The following DNAH17 variants were observed in gnomAD, a reference collection of about 807,000 sequenced individuals.
DNAH17 encodes axonemal beta dynein heavy chain 17.
DNAH17 carries 376 observed loss-of-function variants against 485.6 expected under a neutral mutation model. That is an observed-to-expected ratio of 0.77 (90% CI 0.71 to 0.84). The LOEUF is 0.84. Among genes scored for constraint, DNAH17 ranks in the 40% least tolerant of loss-of-function variants. DNAH17 has a pLI of 0.00. For synonymous variants in DNAH17, 3,031 were observed against 2,405.9 expected (o/e 1.26, Z -7.60); for missense variants, 6,370 against 5,839.3 (o/e 1.09, Z -2.96).
chr17:78,448,813 TG>T (rs2087424555), intron 69 of DNAH17, among the ~76,000 whole-genome samples: 1 of 152,188 alleles, frequency 6.6e-6, no homozygotes, highest in African/African-American at 2.4e-5. Flanking sequence ...CCTTCCACCA[TG>T]GGATGACACA....
intron 21 of DNAH17, 35 bp downstream of exon 21, chr17:78,530,308 C>A (rs758837710): frequency 6.4e-7 from 1 of 1,573,546 alleles, no homozygotes; most frequent in South Asian, 1.1e-5. Flanking sequence ...TCTGCACATT[C>A]CTTGGGCTCC....
chr17:78,467,570 GCT>G (rs777134622), intron 55 of DNAH17, among the ~76,000 whole-genome samples: 2 of 152,146 alleles, frequency 1.3e-5, no homozygotes, highest in Non-Finnish European at 2.9e-5. Flanking sequence ...GGAGGACCCT[GCT>G]CTGTTTGAGT....
At chr17:78,505,204 C>T in intron 31 of DNAH17, 89 bp downstream of exon 31, 1 of 1,545,376 alleles carries the variant, frequency 6.5e-7, no homozygotes, top group Non-Finnish European at 8.8e-7. Flanking sequence ...GGTGCTGGTT[C>T]TCCGGACATC....
At chr17:78,570,148 CAAACTGCTGGGGAACAT>C in intron 7 of DNAH17, 82 bp downstream of exon 7, 1 of 1,384,932 alleles carries the variant, frequency 7.2e-7, no homozygotes, top group African/African-American at 1.4e-5. Context: ...GGCCTGCTTT[CAAACTGCTGGGGAACAT>C]GGGCAGCAGG....
At chr17:78,505,205 T>C in intron 31 of DNAH17, 88 bp downstream of exon 31, 2 of 1,550,068 alleles carry the variant, frequency 1.3e-6, no homozygotes, top group Non-Finnish European at 1.8e-6. Flanking sequence ...GTGCTGGTTC[T>C]CCGGACATCG....
At chr17:78,478,200 TCAC>T (rs1337759091) in intron 51 of DNAH17, among the ~76,000 whole-genome samples, 44 of 139,934 alleles carry the variant, frequency 3.1e-4, no homozygotes, top group African/African-American at 1.0e-3. Flanking sequence ...CACCATCATA[TCAC>T]CACCACCACC....
chr17:78,550,841 A>ATT (rs1047158308), intron 16 of DNAH17, among the ~76,000 whole-genome samples: 4 of 152,212 alleles, frequency 2.6e-5, no homozygotes, highest in African/African-American at 9.6e-5. Flanking sequence ...AAAGAAAGAT[A>ATT]TTTTGGACAA....
At chr17:78,455,868 T>G in intron 62 of DNAH17, 32 bp from the exon 63 acceptor site, 1 of 1,538,518 alleles carries the variant, frequency 6.5e-7, no homozygotes, top group Non-Finnish European at 8.8e-7. Flanking sequence ...TAAAACATAT[T>G]TGCACAAGTG....
chr17:78,550,128 GGGA>G (rs1227371438), intron 16 of DNAH17, among the ~76,000 whole-genome samples: 2 of 152,256 alleles, frequency 1.3e-5, no homozygotes, highest in Non-Finnish European at 2.9e-5. Context: ...GGGAGGCGTG[GGGA>G]GGAGGAGGAG....
chr17:78,458,403 G>A (rs898282382), intron 62 of DNAH17, 162 bp downstream of exon 62: 4 of 635,704 alleles, frequency 6.3e-6, no homozygotes, highest in Non-Finnish European at 1.1e-5. Flanking sequence ...GACTATGCAA[G>A]AGGCCAAGTT....
In DNAH17 at chr17:78,539,803, G is replaced by A. The variant is rs1363249725; in HGVS notation, c.2610C>T (p.Val870=). The change falls in exon 18 of 81, where the codon GTC becomes GTT. Residue 870 remains valine, a synonymous_variant. Coordinates refer to ENST00000389840, the MANE Select transcript of DNAH17 (RefSeq NM_173628.4). ...GAATGAACTGGTCAAATTCATCTAA[G>A]ACCATGTCGTCAATGTAGATGACAT... ...KDYVIYIDDM[V]LDEFDQFIRK... The A allele has an allele frequency of 3.7e-6, 6 of 1,611,912 alleles. No individual in the cohort carries two copies. The African/African-American group carries it at 6.7e-5, about 18-fold the overall frequency.
chr17:78,566,527 G>A (rs562527883), intron 11 of DNAH17, 87 bp downstream of exon 11: 1 of 988,290 alleles, frequency 1.0e-6, no homozygotes, highest in East Asian at 2.6e-5. Context: ...TGGAGAGGAT[G>A]AAATGGTCTC....
intron 2 of DNAH17, among the ~76,000 whole-genome samples, chr17:78,573,170 C>T (rs1326962361): frequency 1.3e-5 from 2 of 152,178 alleles, no homozygotes; most frequent in Admixed American, 6.5e-5. Context: ...CAAGCTCTTG[C>T]ACCCATAGCA....
intron 55 of DNAH17, 128 bp downstream of exon 55, chr17:78,468,489 C>G: frequency 7.8e-7 from 1 of 1,289,828 alleles, no homozygotes; most frequent in Non-Finnish European, 1.0e-6. Flanking sequence ...CCCTCACACT[C>G]TCCTAACAGG....
Position 78,500,031 on chromosome 17 carries a change from A to C in DNAH17, c.5640+274T>G, listed in dbSNP as rs1401508796. On this transcript the variant is annotated intron_variant, in intron 36 of 80. Coordinates refer to ENST00000389840, the MANE Select transcript of DNAH17 (RefSeq NM_173628.4). Reference sequence around the variant, plus strand: ...CTGTGCGGAGTCCCCAGTTCGGGGCAATCTTAACAACTGAAATTGAGAGAG... The same window carrying C: ...CTGTGCGGAGTCCCCAGTTCGGGGCCATCTTAACAACTGAAATTGAGAGAG... The C allele has an allele frequency of 2.2e-5, 9 of 402,076 alleles. No individual in the cohort carries two copies. The East Asian group carries it at 4.1e-4, about 18-fold the overall frequency. 24.9% of individuals were successfully genotyped at this position (402,076 alleles called of 1,614,324 possible). A position where few individuals can be genotyped will look rare whatever the true frequency, so the allele number is the denominator to read the frequency against.
chr17:78,438,216 G>A (rs1028633212), intron 73 of DNAH17, among the ~76,000 whole-genome samples: 1 of 151,506 alleles, frequency 6.6e-6, no homozygotes, highest in African/African-American at 2.4e-5. Context: ...ACCGGGGCCA[G>A]GCTTAGCCCT....
At position 78,569,164 on chromosome 17, in the gene DNAH17, A is replaced by G; in HGVS notation, c.1284+2T>C. 6.3e-7 allele frequency: 1 copy of G among 1,595,446 alleles called. No individual in the cohort carries two copies. Among genetic ancestry groups the G allele is most frequent in the South Asian group, 1.1e-5 (1 of 87,728 alleles). ...TCAAGATGCACCGAGTTCTGTTTTTACCTCAATGGTCTGGATGCGCTGGAA... is the reference window on the plus strand; with the variant it reads ...TCAAGATGCACCGAGTTCTGTTTTTGCCTCAATGGTCTGGATGCGCTGGAA... On this transcript the variant is annotated splice_donor_variant, in intron 9 of 80. Coordinates refer to ENST00000389840, the MANE Select transcript of DNAH17 (RefSeq NM_173628.4). LOFTEE classifies it high-confidence loss of function.
intron 11 of DNAH17, among the ~76,000 whole-genome samples, chr17:78,563,976 G>A (rs1450300656): frequency 6.6e-6 from 1 of 151,746 alleles, no homozygotes; most frequent in Admixed American, 6.6e-5. Context: ...TTTTTAAAAA[G>A]AGATCTTTCT....
rs761257217 is a variant in DNAH17, at chr17:78,507,514, G to T, written c.4528C>A (p.Arg1510Ser). 1.9e-6 allele frequency: 3 copies of T among 1,613,788 alleles called. No homozygotes were observed. The highest frequency in any genetic ancestry group is 2.5e-6 in the Non-Finnish European group (3 of 1,179,680). Reference sequence around the variant, plus strand: ...TGGGAGTCCCCCGGGAGCTGGGTGCGGATGTCTTCGGAGCCGATGAAGATG... The same window carrying T: ...TGGGAGTCCCCCGGGAGCTGGGTGCTGATGTCTTCGGAGCCGATGAAGATG... ...ESIFIGSEDIRTQLPGDSQRF... is the reference protein window; with the variant it reads ...ESIFIGSEDISTQLPGDSQRF... Residue 1510 changes from arginine (R) to serine (S), a missense_variant, in exon 28 of 81, where the codon CGC becomes AGC. Physicochemically the swap from Arg to Ser is moderately radical, Grantham distance 110. Transcript: ENST00000389840.
Sources: gnomAD v4.1 joint callset for allele counts (sites outside exome capture counted in the v4.1 genomes callset) on GRCh38, gnomAD v4.1.1 for gene constraint, MANE v1.5 for transcripts, NCBI Gene and HGNC (gene_info 2026-07-23, HGNC 2026-07-21) for gene names.